Variants in LRGUK observed in about 807,000 individuals in gnomAD.
LRGUK encodes the protein leucine-rich repeat and guanylate kinase domain-containing protein.
In LRGUK, 65 loss-of-function variants were observed where a neutral mutation model predicts 76.0. The observed-to-expected ratio is 0.85, with a 90% confidence interval of 0.70 to 1.05. The LOEUF (loss-of-function observed/expected upper bound fraction) is 1.05. Ranked by LOEUF, LRGUK falls within the 50% of genes least tolerant of loss-of-function variation. The pLI, the probability that LRGUK is intolerant of heterozygous loss-of-function variation, is 0.00. For missense variants in LRGUK, 758 were observed against 732.8 expected (o/e 1.03, Z -0.40); for synonymous variants, 268 against 265.6 (o/e 1.01, Z -0.09).
intron 15 of LRGUK, among the ~76,000 whole-genome samples, chr7:134,207,288 A>G (rs1268015805): frequency 6.6e-6 from 1 of 152,074 alleles, no homozygotes; most frequent in Non-Finnish European, 1.5e-5. Flanking sequence ...ATTACCCCAA[A>G]CAGAAACTCT....
At chr7:134,170,553 C>T (rs1369357910) in intron 7 of LRGUK, among the ~76,000 whole-genome samples, 2 of 151,966 alleles carry the variant, frequency 1.3e-5, no homozygotes, top group African/African-American at 4.8e-5. Context: ...ATTTCTAACA[C>T]AAAGAAATAA....
chr7:134,129,113 C>A (rs1410188656), intron 1 of LRGUK, among the ~76,000 whole-genome samples: 1 of 139,408 alleles, frequency 7.2e-6, no homozygotes. Flanking sequence ...TTCCTGCCTT[C>A]CCCTCCCTCC....
At chr7:134,187,461 A>G (rs1460207482) in intron 11 of LRGUK, among the ~76,000 whole-genome samples, 1 of 152,170 alleles carries the variant, frequency 6.6e-6, no homozygotes, top group African/African-American at 2.4e-5. Context: ...CAAGATCAAG[A>G]CATTCAATGA....
At chr7:134,194,131 T>G (rs1800381493) in intron 12 of LRGUK, among the ~76,000 whole-genome samples, 1 of 152,188 alleles carries the variant, frequency 6.6e-6, no homozygotes, top group Non-Finnish European at 1.5e-5. Context: ...GAAATCCATA[T>G]GCAGCAAGAA....
At chr7:134,178,682 C>T (rs1799593892) in intron 10 of LRGUK, 73 bp downstream of exon 10, 2 of 1,171,254 alleles carry the variant, frequency 1.7e-6, no homozygotes, top group African/African-American at 3.1e-5. Flanking sequence ...TTCCCCTAAC[C>T]CCTATTTTGT....
At chr7:134,219,501 T>C (rs1040031095) in intron 15 of LRGUK, among the ~76,000 whole-genome samples, 1 of 152,246 alleles carries the variant, frequency 6.6e-6, no homozygotes, top group South Asian at 2.1e-4. Flanking sequence ...TTATGTATTA[T>C]GTAGGATCTA....
At chr7:134,247,594 G>T (rs759292680) in exon 17 of LRGUK, 1 of 1,613,752 alleles carries the variant, frequency 6.2e-7, no homozygotes, top group South Asian at 1.1e-5. Flanking sequence ...AGGCAGCCCG[G>T]CAAGCTCTAA....
At chr7:134,258,115 C>A in intron 18 of LRGUK, 142 bp from the exon 19 acceptor site, 2 of 983,372 alleles carry the variant, frequency 2.0e-6, no homozygotes, top group Non-Finnish European at 3.1e-6. Context: ...CACTGTTGAA[C>A]ACTAGCTCAA....
intron 16 of LRGUK, among the ~76,000 whole-genome samples, chr7:134,245,737 G>T (rs567008939): frequency 7.9e-5 from 12 of 152,198 alleles, no homozygotes; most frequent in Non-Finnish European, 1.6e-4. Context: ...AGTAGTAAAT[G>T]GTGTACTACT....
At chr7:134,184,591 G>A (rs910708069) in intron 11 of LRGUK, among the ~76,000 whole-genome samples, 2 of 151,856 alleles carry the variant, frequency 1.3e-5, no homozygotes, top group African/African-American at 4.8e-5. Flanking sequence ...TTTTTCTTTT[G>A]TCAAGCAGAC....
intron 16 of LRGUK, among the ~76,000 whole-genome samples, chr7:134,233,581 A>C (rs1585585905): frequency 6.6e-6 from 1 of 152,146 alleles, no homozygotes; most frequent in African/African-American, 2.4e-5. Context: ...TCCTTTCAAT[A>C]CTCTTAGGAC....
chr7:134,214,807 C>T (rs1254278607), downstream of LRGUK, among the ~76,000 whole-genome samples: 1 of 149,348 alleles, frequency 6.7e-6, no homozygotes, highest in East Asian at 2.0e-4. Context: ...CACACACACA[C>T]ACACACACTT....
chr7:134,266,135 G>A (rs1802850976), downstream of LRGUK, among the ~76,000 whole-genome samples: 5 of 152,160 alleles, frequency 3.3e-5, no homozygotes, highest in Admixed American at 3.3e-4. Flanking sequence ...TGCCCCACTG[G>A]TATGGTGTCA....
chr7:134,132,905 G>A (rs1450977556), intron 1 of LRGUK, among the ~76,000 whole-genome samples: 1 of 152,208 alleles, frequency 6.6e-6, no homozygotes, highest in African/African-American at 2.4e-5. Flanking sequence ...GGCATTAGTG[G>A]AGAAGACGGC....
intron 18 of LRGUK, among the ~76,000 whole-genome samples, chr7:134,257,858 T>C (rs1166565612): frequency 3.3e-5 from 5 of 151,814 alleles, no homozygotes; most frequent in Non-Finnish European, 5.9e-5. Context: ...CTATGCCCAG[T>C]GTGAGGTCCA....
At chr7:134,174,067 G>A (rs1248737598) in intron 7 of LRGUK, among the ~76,000 whole-genome samples, 2 of 147,956 alleles carry the variant, frequency 1.4e-5, no homozygotes, top group Non-Finnish European at 3.0e-5. Context: ...CGAGATCACA[G>A]CACTGCACTC....
chr7:134,166,527 G>C (rs1266559822), intron 7 of LRGUK, among the ~76,000 whole-genome samples: 1 of 152,154 alleles, frequency 6.6e-6, no homozygotes, highest in Non-Finnish European at 1.5e-5. Context: ...ATGTCACACT[G>C]TTGGTTCCCA....
intron 5 of LRGUK, among the ~76,000 whole-genome samples, chr7:134,152,328 G>A (rs913288522): frequency 3.9e-5 from 6 of 151,936 alleles, no homozygotes; most frequent in Non-Finnish European, 7.4e-5. Flanking sequence ...AAGACTTGTG[G>A]GGATAGGGGG....
At chr7:134,234,311 A>T (rs1472370344) in intron 16 of LRGUK, among the ~76,000 whole-genome samples, 2 of 151,732 alleles carry the variant, frequency 1.3e-5, no homozygotes, top group Non-Finnish European at 2.9e-5. Context: ...CTGAGATGAG[A>T]TACTCCGCTT....
Sources: gnomAD v4.1 joint callset for allele counts (sites outside exome capture counted in the v4.1 genomes callset) on GRCh38, gnomAD v4.1.1 for gene constraint, MANE v1.5 for transcripts, NCBI Gene and HGNC (gene_info 2026-07-23, HGNC 2026-07-21) for gene names.